Variants in MSI2 observed in about 807,000 individuals in gnomAD.
MSI2 encodes musashi RNA binding protein 2.
Under a neutral mutation model 45.6 loss-of-function variants are expected in MSI2, and 17 were observed. The observed-to-expected ratio is 0.37, with a 90% CI of 0.26 to 0.56. The LOEUF (loss-of-function observed/expected upper bound fraction) is 0.56. Ranked by LOEUF, MSI2 falls within the 20% of genes least tolerant of loss-of-function variation. The pLI, the probability that MSI2 is intolerant of heterozygous loss-of-function variation, is 0.77. For missense variants in MSI2, 293 were observed against 444.2 expected (o/e 0.66, Z 3.06); for synonymous variants, 156 against 158.2 (o/e 0.99, Z 0.11).
chr17:57,552,914 T>A lies in MSI2; in HGVS notation c.454+23190T>A, dbSNP rs1294942026. ...GAAGAACCAAGCTTTTTAGGGCTGATGTGGCGTGGGCTGGGAGACTTCTCT... is the reference window on the plus strand; with the variant it reads ...GAAGAACCAAGCTTTTTAGGGCTGAAGTGGCGTGGGCTGGGAGACTTCTCT... On this transcript the variant is annotated intron_variant, in intron 7 of 13. Coordinates refer to ENST00000284073, the MANE Select transcript of MSI2 (RefSeq NM_138962.4). This position sits in a 1 kb window ranked among gnomAD's most constrained non-coding sequence, Gnocchi z 4.3. Among the ~76,000 whole-genome samples, 2 of 152,220 alleles carry A rather than the reference T, an allele frequency of 1.3e-5. No homozygotes were observed. The highest frequency in any genetic ancestry group is 2.9e-5 in the Non-Finnish European group (2 of 68,026).
At chr17:57,523,492 C>T (rs2086637439) in intron 6 of MSI2, 1 of 152,210 alleles carries the variant, frequency 6.6e-6, no homozygotes, top group Non-Finnish European at 1.5e-5. Context: ...TCTTTTGACT[C>T]ATTAGAAAGA....
chr17:57,580,362 C>T (rs2088168209), intron 7 of MSI2, among the ~76,000 whole-genome samples: 2 of 152,176 alleles, frequency 1.3e-5, no homozygotes, highest in African/African-American at 4.8e-5. Flanking sequence ...TGTTTCTGAC[C>T]CTGGCTTTAC....
At chr17:57,546,008 G>A (rs955362604) in intron 7 of MSI2, among the ~76,000 whole-genome samples, 1 of 152,160 alleles carries the variant, frequency 6.6e-6, no homozygotes, top group African/African-American at 2.4e-5. Flanking sequence ...GTCAGGGCTC[G>A]ACAGCCGAGG....
chr17:57,346,332 T>C (rs1386979815), intron 5 of MSI2, among the ~76,000 whole-genome samples: 1 of 134,106 alleles, frequency 7.5e-6, no homozygotes, highest in Non-Finnish European at 1.6e-5. Context: ...ACTTGAGACA[T>C]GTAAATAACA....
chr17:57,389,488 A>C (rs925370905), intron 5 of MSI2, among the ~76,000 whole-genome samples: 8 of 152,054 alleles, frequency 5.3e-5, no homozygotes, highest in Non-Finnish European at 1.0e-4. Context: ...GCTAACCTTT[A>C]AGCTGCAGGT....
At chr17:57,432,967 T>G (rs1412724179) in intron 6 of MSI2, among the ~76,000 whole-genome samples, 1 of 152,198 alleles carries the variant, frequency 6.6e-6, no homozygotes, top group African/African-American at 2.4e-5. Flanking sequence ...AATCCTGTTT[T>G]CAGCAGACGA....
chr17:57,478,281 A>G lies in MSI2; in HGVS notation c.406-51395A>G, dbSNP rs143312371. On this transcript the variant is annotated intron_variant, in intron 6 of 13. Transcript: ENST00000284073. ...TGGCAGAATCTGCAAGGCAGAATCG[A>G]TGGCACCTAGTGGGCCCCAGATTCA... is the stretch of plus-strand genomic sequence containing the variant. Among the ~76,000 whole-genome samples the G allele has an allele frequency of 7.2e-4, 109 of 152,332 alleles. No individual in the cohort carries two copies. In the Middle Eastern group the frequency reaches 0.02, roughly 29 times the overall value.
chr17:57,433,204 T>A (rs183288752), intron 6 of MSI2, among the ~76,000 whole-genome samples: 1 of 152,338 alleles, frequency 6.6e-6, no homozygotes, highest in African/African-American at 2.4e-5. Context: ...TTGTTGGGTG[T>A]ACTGGGTTGA....
intron 5 of MSI2, among the ~76,000 whole-genome samples, chr17:57,287,872 C>A (rs1418039399): frequency 6.6e-6 from 1 of 152,144 alleles, no homozygotes; most frequent in East Asian, 1.9e-4. Context: ...CAGAGAGACC[C>A]TATAGACGAA....
At chr17:57,641,612 C>T (rs1022476058) in intron 10 of MSI2, among the ~76,000 whole-genome samples, 1 of 152,166 alleles carries the variant, frequency 6.6e-6, no homozygotes, top group Non-Finnish European at 1.5e-5. Flanking sequence ...GTAGTTTGTC[C>T]TGACACTCAT....
intron 5 of MSI2, among the ~76,000 whole-genome samples, chr17:57,341,358 C>T (rs548364278): frequency 1.8e-4 from 28 of 152,294 alleles, no homozygotes; most frequent in South Asian, 1.0e-3. Flanking sequence ...AAGGTAATCA[C>T]GTATTTAGAA....
chr17:57,564,280 A>G (rs2087673116), intron 7 of MSI2, among the ~76,000 whole-genome samples: 1 of 152,220 alleles, frequency 6.6e-6, no homozygotes, highest in African/African-American at 2.4e-5. Flanking sequence ...TCGCCTTGTA[A>G]TCAGGCATCA....
chr17:57,689,198 T>G (rs989985442), downstream of MSI2, among the ~76,000 whole-genome samples: 1 of 152,188 alleles, frequency 6.6e-6, no homozygotes, highest in Non-Finnish European at 1.5e-5. Context: ...TAATTGTACT[T>G]TAAGTTCTAG....
At chr17:57,342,541 C>T (rs935121383) in intron 5 of MSI2, among the ~76,000 whole-genome samples, 3 of 152,174 alleles carry the variant, frequency 2.0e-5, no homozygotes, top group Admixed American at 2.0e-4. Context: ...TAAATCTGGA[C>T]TAGAAAATTG....
chr17:57,502,625 A>AT (rs1381653344), intron 6 of MSI2, among the ~76,000 whole-genome samples: 2 of 126,656 alleles, frequency 1.6e-5, no homozygotes, highest in Non-Finnish European at 3.3e-5. Context: ...ATATATATAT[A>AT]TATATATATA....
At chr17:57,544,612 G>A (rs1319937011) in intron 7 of MSI2, among the ~76,000 whole-genome samples, 1 of 152,154 alleles carries the variant, frequency 6.6e-6, no homozygotes, top group African/African-American at 2.4e-5. Flanking sequence ...ATAAAGCAGC[G>A]ATATTAGCAA....
At chr17:57,461,110 C>T (rs1025011652) in intron 6 of MSI2, among the ~76,000 whole-genome samples, 4 of 152,170 alleles carry the variant, frequency 2.6e-5, no homozygotes, top group African/African-American at 9.7e-5. Context: ...GCATTGGCAA[C>T]ACCCTTCATG....
chr17:57,433,611 T>C (rs957624598), intron 6 of MSI2, among the ~76,000 whole-genome samples: 10 of 152,122 alleles, frequency 6.6e-5, no homozygotes, highest in Non-Finnish European at 1.3e-4. Flanking sequence ...ACCAAGACAA[T>C]AGGGAAGCTG....
chr17:57,654,978 C>T (rs1249209353), intron 11 of MSI2, among the ~76,000 whole-genome samples: 1 of 145,430 alleles, frequency 6.9e-6, no homozygotes, highest in Non-Finnish European at 1.5e-5. Context: ...GTGAGAAGCA[C>T]TTGCTGAGGG....
Sources: gnomAD v4.1 joint callset for allele counts (sites outside exome capture counted in the v4.1 genomes callset) on GRCh38, gnomAD v4.1.1 for gene constraint, Gnocchi (gnomAD v3.1) non-coding constraint, MANE v1.5 for transcripts, NCBI Gene and HGNC (gene_info 2026-07-23, HGNC 2026-07-21) for gene names.